Variants in LYZL4 observed in about 807,000 individuals in gnomAD.
LYZL4 encodes lysozyme like 4.
A neutral mutation model predicts 17.6 loss-of-function variants in LYZL4; 13 were observed. The ratio of observed to expected loss-of-function variants is 0.74; its 90% CI spans 0.48 to 1.18. LYZL4 has a LOEUF of 1.18. LYZL4 is among the 50% of genes most tolerant of loss of function. The probability of loss-of-function intolerance (pLI) is 0.00; values close to 1 mark genes in which losing one functional copy is unlikely to be tolerated. For missense variants in LYZL4, 174 were observed against 188.2 expected, an observed-to-expected ratio of 0.92 and a Z score of 0.44; for synonymous variants, 64 against 67.7, an observed-to-expected ratio of 0.95 and a Z score of 0.27.
chr3:42,406,362 G>A (rs1698748899), intron 3 of LYZL4, among the ~76,000 whole-genome samples: 1 of 147,536 alleles, frequency 6.8e-6, no homozygotes, highest in Non-Finnish European at 1.5e-5. Context: ...GCTGAGGCAG[G>A]AGAATGGCAC....
chr3:42,369,605 A>T, the LYZL4 span, among the ~76,000 whole-genome samples: 1 of 152,188 alleles, frequency 6.6e-6, no homozygotes, highest in Non-Finnish European at 1.5e-5. Flanking sequence ...CTCCCAGAGG[A>T]ACCCCAGGCT....
chr3:42,386,195 C>A, the LYZL4 span, among the ~76,000 whole-genome samples: 2 of 152,074 alleles, frequency 1.3e-5, no homozygotes, highest in African/African-American at 2.4e-5. Flanking sequence ...TTCCACCTCC[C>A]GGGTTCAAGA....
the LYZL4 span, among the ~76,000 whole-genome samples, chr3:42,375,669 G>A: frequency 0.044 from 6,720 of 152,222 alleles, 196 homozygotes; most frequent in Non-Finnish European, 0.062. Flanking sequence ...GGCATAAGGA[G>A]AACACATTCA....
intron 4 of LYZL4, among the ~76,000 whole-genome samples, chr3:42,399,401 A>G (rs1356125147): frequency 6.6e-6 from 1 of 152,240 alleles, no homozygotes; most frequent in Non-Finnish European, 1.5e-5. Context: ...TGAAACAGCA[A>G]CAGCAGCAAC....
At chr3:42,399,946 A>C (rs1577152161) in intron 4 of LYZL4, among the ~76,000 whole-genome samples, 2 of 136,434 alleles carry the variant, frequency 1.5e-5, no homozygotes, top group Admixed American at 7.0e-5. Context: ...AATGGCAAAA[A>C]CCACCATTAC....
the LYZL4 span, among the ~76,000 whole-genome samples, chr3:42,373,311 T>C: frequency 6.6e-6 from 1 of 152,044 alleles, no homozygotes; most frequent in African/African-American, 2.4e-5. Flanking sequence ...GAGGTGAGGG[T>C]CCTGGACATT....
At chr3:42,395,807 C>A (rs62247327), downstream of LYZL4, among the ~76,000 whole-genome samples, 2 of 152,054 alleles carry the variant, frequency 1.3e-5, no homozygotes, top group South Asian at 2.1e-4. Context: ...GTGGCTCACA[C>A]CCCTAACATT....
At chr3:42,381,395 G>T in the LYZL4 span, among the ~76,000 whole-genome samples, 3 of 152,112 alleles carry the variant, frequency 2.0e-5, no homozygotes, top group African/African-American at 7.2e-5. Context: ...ACTAAACCAA[G>T]AGATTATTTT....
chr3:42,379,973 TA>T, the LYZL4 span, among the ~76,000 whole-genome samples: 2 of 152,176 alleles, frequency 1.3e-5, no homozygotes, highest in Non-Finnish European at 2.9e-5. Context: ...CCGAAAATTG[TA>T]AGTATTTTGA....
the LYZL4 span, among the ~76,000 whole-genome samples, chr3:42,391,728 G>C: frequency 6.6e-6 from 1 of 152,090 alleles, no homozygotes. Context: ...TTAAGTGGGA[G>C]ATATTACAAT....
the LYZL4 span, among the ~76,000 whole-genome samples, chr3:42,382,293 C>T: frequency 6.6e-6 from 1 of 152,138 alleles, no homozygotes; most frequent in Non-Finnish European, 1.5e-5. Context: ...CTAAATTAGG[C>T]CATAGCAGAC....
chr3:42,362,393 A>G, the LYZL4 span, among the ~76,000 whole-genome samples: 7 of 152,192 alleles, frequency 4.6e-5, no homozygotes, highest in African/African-American at 1.7e-4. Context: ...CAATTCATGG[A>G]GGTTATCTTA....
the LYZL4 span, among the ~76,000 whole-genome samples, chr3:42,378,715 T>A: frequency 6.6e-6 from 1 of 152,146 alleles, no homozygotes; most frequent in Non-Finnish European, 1.5e-5. Context: ...TTCCTGAAAC[T>A]CATCTCTATA....
chr3:42,370,442 A>G, the LYZL4 span, among the ~76,000 whole-genome samples: 6 of 152,300 alleles, frequency 3.9e-5, no homozygotes, highest in East Asian at 9.6e-4. Flanking sequence ...TATGAAAATA[A>G]AAGTCCCAGG....
At chr3:42,393,782 G>A (rs1366794386), downstream of LYZL4, among the ~76,000 whole-genome samples, 2 of 152,062 alleles carry the variant, frequency 1.3e-5, no homozygotes, top group Non-Finnish European at 2.9e-5. Context: ...TTTAACAGTC[G>A]CCCCAGGTGA....
the LYZL4 span, among the ~76,000 whole-genome samples, chr3:42,369,265 A>G: frequency 1.3e-5 from 2 of 152,064 alleles, no homozygotes; most frequent in African/African-American, 4.8e-5. Context: ...AATATATCCT[A>G]CTGGTCTTGG....
At chr3:42,389,249 G>GA in the LYZL4 span, among the ~76,000 whole-genome samples, 1 of 152,228 alleles carries the variant, frequency 6.6e-6, no homozygotes, top group Non-Finnish European at 1.5e-5. Context: ...TCCTCTGACA[G>GA]AAACTGTTCT....
chr3:42,409,507 G>A (rs115724266), intron 1 of LYZL4, among the ~76,000 whole-genome samples: 12 of 152,208 alleles, frequency 7.9e-5, no homozygotes, highest in East Asian at 1.9e-4. Context: ...ATCTCAACTC[G>A]TAGAAGGCAT....
chr3:42,382,976 G>T, the LYZL4 span, among the ~76,000 whole-genome samples: 3 of 151,990 alleles, frequency 2.0e-5, no homozygotes, highest in African/African-American at 7.3e-5. Flanking sequence ...AGGGTAAAGC[G>T]AGGCTAAGTG....
Sources: gnomAD v4.1 joint callset for allele counts (sites outside exome capture counted in the v4.1 genomes callset) on GRCh38, gnomAD v4.1.1 for gene constraint, MANE v1.5 for transcripts, NCBI Gene and HGNC (gene_info 2026-07-23, HGNC 2026-07-21) for gene names.